Variants in PALLD observed in about 807,000 individuals in gnomAD.
PALLD encodes palladin.
In PALLD, 61 loss-of-function variants were observed where a neutral mutation model predicts 123.5. The observed-to-expected ratio is 0.49, with a 90% CI of 0.40 to 0.61. The LOEUF is 0.61. Ranked by LOEUF, PALLD falls within the 20% of genes least tolerant of loss-of-function variation. PALLD has a pLI of 0.00. For missense variants in PALLD, 1,273 were observed against 1,377.0 expected (o/e 0.92, Z 1.20); for synonymous variants, 465 against 496.4 (o/e 0.94, Z 0.84).
At chr4:168,598,538 G>T in intron 2 of PALLD, 1 of 374,304 alleles carries the variant, frequency 2.7e-6, no homozygotes, top group South Asian at 2.4e-5. Context: ...TAACAGAGAG[G>T]GGGCAGACAG....
chr4:168,729,139 G>A (rs990258504), intron 10 of PALLD, among the ~76,000 whole-genome samples: 3 of 152,106 alleles, frequency 2.0e-5, no homozygotes, highest in African/African-American at 7.2e-5. Flanking sequence ...CCAATTTCTT[G>A]GTCTTTTTAG....
chr4:168,795,831 C>T (rs1431362216), intron 10 of PALLD, among the ~76,000 whole-genome samples: 1 of 151,926 alleles, frequency 6.6e-6, no homozygotes, highest in African/African-American at 2.4e-5. Flanking sequence ...CCCTCAAACT[C>T]CCCCGTAGCT....
At chr4:168,563,973 C>T (rs1411673952) in intron 2 of PALLD, among the ~76,000 whole-genome samples, 1 of 152,096 alleles carries the variant, frequency 6.6e-6, no homozygotes, top group Non-Finnish European at 1.5e-5. Context: ...GATAATACAC[C>T]TCGTACCCAT....
chr4:168,598,267 A>C (rs1211296885), intron 2 of PALLD: 1 of 417,346 alleles, frequency 2.4e-6, no homozygotes, highest in African/African-American at 2.1e-5. Context: ...TTGATGCCTC[A>C]CCAAAATATT....
chr4:168,895,286 G>A (rs1754870662), intron 12 of PALLD, among the ~76,000 whole-genome samples: 1 of 152,220 alleles, frequency 6.6e-6, no homozygotes. Flanking sequence ...GGAAGCTGAG[G>A]CAGGAGAATT....
In PALLD at chr4:168,694,678, C is replaced by G. The variant is rs1581009528; in HGVS notation, c.1501+3386C>G. ...GATATTTAGATAAAGAAGGAAATAGCAGGTTGTCTCCAAATGGATCTGTGC... is the reference window on the plus strand; with the variant it reads ...GATATTTAGATAAAGAAGGAAATAGGAGGTTGTCTCCAAATGGATCTGTGC... On this transcript the variant is annotated intron_variant, in intron 8 of 21. Coordinates refer to ENST00000505667, the MANE Select transcript of PALLD (RefSeq NM_001166108.2). Among the ~76,000 whole-genome samples, 3 of 152,280 alleles carry G rather than the reference C, an allele frequency of 2.0e-5. No individual in the cohort carries two copies. In the South Asian group the frequency reaches 6.2e-4, roughly 32 times the overall value.
chr4:168,652,111 A>G (rs1778101109), intron 2 of PALLD, among the ~76,000 whole-genome samples: 1 of 152,160 alleles, frequency 6.6e-6, no homozygotes, highest in Admixed American at 6.5e-5. Context: ...CCGCGTGACC[A>G]TGGCAGAGAG....
At chr4:168,780,410 A>G (rs187965837) in intron 10 of PALLD, among the ~76,000 whole-genome samples, 1 of 152,318 alleles carries the variant, frequency 6.6e-6, no homozygotes, top group Admixed American at 6.5e-5. Flanking sequence ...CAGCTTTCTT[A>G]GTCTCACCTA....
intron 2 of PALLD, among the ~76,000 whole-genome samples, chr4:168,662,733 A>G (rs745873736): frequency 3.9e-5 from 6 of 152,250 alleles, no homozygotes; most frequent in Middle Eastern, 3.2e-3. Context: ...TTTAGAGAAT[A>G]GTAAATGTTT....
At chr4:168,581,394 T>C (rs1230219119) in intron 2 of PALLD, among the ~76,000 whole-genome samples, 1 of 152,086 alleles carries the variant, frequency 6.6e-6, no homozygotes, top group Non-Finnish European at 1.5e-5. Flanking sequence ...TTGCTTTTCT[T>C]CACGCCCTTG....
intron 5 of PALLD, 25 bp downstream of exon 5, chr4:168,683,128 C>T (rs1305255543): frequency 7.3e-7 from 1 of 1,370,988 alleles, no homozygotes; most frequent in Non-Finnish European, 1.0e-6. Flanking sequence ...AGCCAGAGCC[C>T]ATAAGGGGTC....
intron 10 of PALLD, among the ~76,000 whole-genome samples, chr4:168,749,136 C>T (rs1301569207): frequency 6.6e-6 from 1 of 152,054 alleles, no homozygotes; most frequent in Non-Finnish European, 1.5e-5. Flanking sequence ...TGTGGCACTT[C>T]CCTGCCACTC....
At chr4:168,871,071 G>A (rs1014286889) in intron 10 of PALLD, among the ~76,000 whole-genome samples, 49 of 152,140 alleles carry the variant, frequency 3.2e-4, no homozygotes, top group Non-Finnish European at 6.2e-4. Flanking sequence ...AAGCCATTTG[G>A]GGAGTAGATA....
At chr4:168,922,913 C>T (rs910209916) in intron 18 of PALLD, among the ~76,000 whole-genome samples, 9 of 152,184 alleles carry the variant, frequency 5.9e-5, no homozygotes, top group Non-Finnish European at 1.3e-4. Flanking sequence ...CAGATCTGCT[C>T]CAGTCCCGGC....
chr4:168,552,368 G>A (rs985458018), intron 2 of PALLD, among the ~76,000 whole-genome samples: 2 of 152,170 alleles, frequency 1.3e-5, no homozygotes, highest in Non-Finnish European at 2.9e-5. Flanking sequence ...GGGGAAGTAT[G>A]AAGTGATATT....
chr4:168,882,221 C>A (rs1752703943), intron 10 of PALLD, among the ~76,000 whole-genome samples: 1 of 152,212 alleles, frequency 6.6e-6, no homozygotes, highest in Non-Finnish European at 1.5e-5. Flanking sequence ...TTGTCGCTCT[C>A]TTTCTCCCTC....
chr4:168,668,083 C>A, intron 2 of PALLD, 107 bp from the exon 3 acceptor site: 2 of 867,940 alleles, frequency 2.3e-6, no homozygotes, highest in Non-Finnish European at 3.9e-6. Context: ...TTTAATCAAA[C>A]AAACATCATT....
At chr4:168,646,010 G>A (rs757267321) in intron 2 of PALLD, among the ~76,000 whole-genome samples, 2 of 152,194 alleles carry the variant, frequency 1.3e-5, no homozygotes, top group Non-Finnish European at 2.9e-5. Context: ...GGGATGCTGA[G>A]CCTTGTATGT....
intron 10 of PALLD, among the ~76,000 whole-genome samples, chr4:168,796,311 C>T (rs569171853): frequency 9.2e-5 from 14 of 152,282 alleles, no homozygotes; most frequent in Admixed American, 9.2e-4. Context: ...ATCCCCCAAA[C>T]ATAAGGAGGA....
Sources: allele counts gnomAD v4.1 joint callset (sites outside exome capture counted in the v4.1 genomes callset), GRCh38; gene constraint gnomAD v4.1.1; transcripts MANE v1.5; gene names NCBI Gene and HGNC (gene_info 2026-07-23, HGNC 2026-07-21).